The following UBXN1 variants were observed in gnomAD, a reference collection of about 807,000 sequenced individuals.
UBXN1 encodes UBX domain-containing protein 1.
UBXN1 carries 21 observed loss-of-function variants against 42.0 expected under a neutral mutation model. The observed-to-expected ratio is 0.50, with a 90% CI of 0.35 to 0.72. UBXN1 has a LOEUF of 0.72. UBXN1 is among the 30% of genes least tolerant of loss of function. The probability of loss-of-function intolerance (pLI) is 0.00; values close to 1 mark genes in which losing one functional copy is unlikely to be tolerated. For synonymous variants in UBXN1, 172 were observed against 142.6 expected, an observed-to-expected ratio of 1.21 and a Z score of -1.47; for missense variants, 374 against 382.2, an observed-to-expected ratio of 0.98 and a Z score of 0.18.
intron 7 of UBXN1, 36 bp downstream of exon 7, chr11:62,677,482 G>A (rs1945039150): frequency 6.2e-7 from 1 of 1,606,178 alleles, no homozygotes; most frequent in Non-Finnish European, 8.5e-7. Flanking sequence ...CGGAACAAAG[G>A]GGTCCCAAGA....
chr11:62,677,744 C>CCA (rs766253091), intron 6 of UBXN1, 37 bp downstream of exon 6: 67 of 1,613,962 alleles, frequency 4.2e-5, no homozygotes, highest in Non-Finnish European at 5.6e-5. Flanking sequence ...ACTAACCTGC[C>CCA]CACTCCATTA....
Position 62,676,565 on chromosome 11 carries a change from C to T in UBXN1, c.*25G>A. On this transcript the variant is annotated 3_prime_UTR_variant, in exon 9 of 9. Transcript: ENST00000301935. ...TGCTTTATCAAAGATGAAGGGGTCA[C>T]AGAGGGACAATGGGACAAAGGCCCT... is the stretch of plus-strand genomic sequence containing the variant. The T allele has an allele frequency of 1.3e-6, 2 of 1,575,248 alleles. No homozygotes were observed. The highest frequency in any genetic ancestry group is 1.7e-6 in the Non-Finnish European group (2 of 1,163,768).
Position 62,678,957 on chromosome 11 carries a change from T to C in UBXN1, c.-34A>G. 1 of 1,555,304 alleles carries C rather than the reference T, an allele frequency of 6.4e-7. No homozygotes were observed. Among genetic ancestry groups the C allele is most frequent in the Non-Finnish European group, 8.7e-7 (1 of 1,153,906 alleles). On this transcript the variant is annotated 5_prime_UTR_variant, in exon 1 of 9. Coordinates refer to ENST00000301935, the MANE Select transcript of UBXN1 (RefSeq NM_001286077.2). ...CACCGCGGCTTCCGCGGGGACCTGGTGTGTGACGAGAAGGAGGGCGGGAAG... is the reference window on the plus strand; with the variant it reads ...CACCGCGGCTTCCGCGGGGACCTGGCGTGTGACGAGAAGGAGGGCGGGAAG...
chr11:62,676,529 G>T lies in UBXN1; in HGVS notation c.*61C>A, dbSNP rs763280846. ...GAACTCAGGGTCTATTTATTAGGAA[G>T]GAGATGTCAGTGCTTTATCAAAGAT... On this transcript the variant is annotated 3_prime_UTR_variant, in exon 9 of 9. Coordinates refer to ENST00000301935, the MANE Select transcript of UBXN1 (RefSeq NM_001286077.2). The T allele has an allele frequency of 6.6e-7, 1 of 1,526,610 alleles. No individual in the cohort carries two copies. Among genetic ancestry groups the T allele is most frequent in the Admixed American group, 2.0e-5 (1 of 51,096 alleles). 94.6% of individuals were successfully genotyped at this position (1,526,610 alleles called of 1,614,324 possible).
In UBXN1 at chr11:62,678,871, C is replaced by T. The variant is rs763243172; in HGVS notation, c.53G>A (p.Gly18Glu). The change falls in exon 1 of 9, where the codon GGA (glycine) becomes GAA (glutamate). Residue 18 changes from glycine (G) to glutamate (E), a missense_variant. Transcript: ENST00000301935. ...ESLIEMGFPRGRAEKALALTG... is the reference protein window; with the variant it reads ...ESLIEMGFPRERAEKALALTG... The stretch of plus-strand genomic sequence containing the variant: ...GGTTGGGGAACTCCCTTACGCGCGT[C>T]CCCTGGGGAAGCCCATCTCGATGAG... 5 of 1,604,974 alleles carry T rather than the reference C, an allele frequency of 3.1e-6. No individual in the cohort carries two copies. The highest frequency in any genetic ancestry group is 3.6e-4 in the Middle Eastern group (2 of 5,536).
Position 62,677,569 on chromosome 11 carries a change from A to AG in UBXN1, c.599dup (p.Pro201SerfsTer12). 6.2e-7 allele frequency: 1 copy of AG among 1,614,088 alleles called. No homozygotes were observed. The highest frequency in any genetic ancestry group is 8.5e-7 in the Non-Finnish European group (1 of 1,179,974). ...GCTTGGTGGGAGGCTCCTGGCTGGG[A>AG]GAAGAGGGAACAGGACCTGGCTCTG... is the stretch of plus-strand genomic sequence containing the variant. On this transcript the variant is annotated frameshift_variant, in exon 7 of 9. Coordinates refer to ENST00000301935, the MANE Select transcript of UBXN1 (RefSeq NM_001286077.2). LOFTEE classifies it high-confidence loss of function.
intron 4 of UBXN1, 66 bp downstream of exon 4, chr11:62,678,273 G>C (rs766902589): frequency 6.2e-7 from 1 of 1,610,762 alleles, no homozygotes; most frequent in Non-Finnish European, 8.5e-7. Context: ...AAGGTTCTTT[G>C]ACCAGACGTG....
Position 62,678,924 on chromosome 11 carries a change from G to A in UBXN1, c.-1C>T, listed in dbSNP as rs746964877. On this transcript the variant is annotated 5_prime_UTR_variant, in exon 1 of 9. Coordinates refer to ENST00000301935, the MANE Select transcript of UBXN1 (RefSeq NM_001286077.2). ...TCTCAAGAGCCGTCAGCTCCGCCAT[G>A]GCGCCGACACCGCGGCTTCCGCGGG... 1.3e-6 allele frequency: 2 copies of A among 1,586,450 alleles called. No homozygotes were observed. Among genetic ancestry groups the A allele is most frequent in the Admixed American group, 3.5e-5 (2 of 56,734 alleles).
Position 62,677,971 on chromosome 11 carries a change from A to T in UBXN1, c.438T>A (p.Ala146=). 1 of 1,614,106 alleles carries T rather than the reference A, an allele frequency of 6.2e-7. No individual in the cohort carries two copies. The highest frequency in any genetic ancestry group is 8.5e-7 in the Non-Finnish European group (1 of 1,180,018). Residue 146 remains alanine, a synonymous_variant, in exon 5 of 9, where the codon GCT becomes GCA. Coordinates refer to ENST00000301935, the MANE Select transcript of UBXN1 (RefSeq NM_001286077.2). ...QRLQEDEMRR[A]AEERRREKAE... is the part of the protein sequence containing the mutation. ...CCTTTTCCCTCCGCCTCTCCTCAGC[A>T]GCCCGGCGCATCTCATCTTCCTGTA...
intron 7 of UBXN1, 111 bp from the exon 8 acceptor site, chr11:62,677,116 AACT>A (rs891642056): frequency 4.0e-6 from 5 of 1,259,234 alleles, no homozygotes; most frequent in Non-Finnish European, 5.4e-6. Flanking sequence ...GAACCAGCAC[AACT>A]ACTATTTAAA....
Position 62,676,907 on chromosome 11 carries a change from T to C in UBXN1, c.750A>G (p.Glu250=). 1 of 1,613,888 alleles carries C rather than the reference T, an allele frequency of 6.2e-7. No homozygotes were observed. Among genetic ancestry groups the C allele is most frequent in the Middle Eastern group, 1.6e-4 (1 of 6,062 alleles). ...GCACAGGGTCCTGGCCCCCACCTAG[T>C]TCCTCCCCACGGTGGAGCTCCACAT... ...RLYVELHRGE[E]LGGGQDPVQL... The change falls in exon 8 of 9, where the codon GAA becomes GAG. Residue 250 remains glutamate, a synonymous_variant. Coordinates refer to ENST00000301935, the MANE Select transcript of UBXN1 (RefSeq NM_001286077.2).
intron 8 of UBXN1, 76 bp from the exon 9 acceptor site, chr11:62,676,715 T>C: frequency 3.7e-6 from 6 of 1,614,068 alleles, no homozygotes; most frequent in Non-Finnish European, 5.1e-6. Context: ...CCTTGCACCA[T>C]GTTCACAAAG....
At chr11:62,677,276 CA>C in intron 7 of UBXN1, 1 of 610,896 alleles carries the variant, frequency 1.6e-6, no homozygotes, top group Non-Finnish European at 2.9e-6. Context: ...CATAATAAAC[CA>C]AATAAAAACA....
At position 62,676,804 on chromosome 11, in the gene UBXN1, C is replaced by G; in HGVS notation, c.844+9G>C. Reference sequence around the variant, plus strand: ...TTTCTAGTCCTGGTTTCTAGTCTTGCAGCCATACCCAGCTCCTGCAGAGGC... The same window carrying G: ...TTTCTAGTCCTGGTTTCTAGTCTTGGAGCCATACCCAGCTCCTGCAGAGGC... On this transcript the variant is annotated intron_variant, in intron 8 of 8. Coordinates refer to ENST00000301935, the MANE Select transcript of UBXN1 (RefSeq NM_001286077.2). 1 of 1,614,172 alleles carries G rather than the reference C, an allele frequency of 6.2e-7. No individual in the cohort carries two copies. Among genetic ancestry groups the G allele is most frequent in the East Asian group, 2.2e-5 (1 of 44,888 alleles).
chr11:62,677,015 A>AGT lies in UBXN1; in HGVS notation c.652-11_652-10insAC. Reference sequence around the variant, plus strand: ...CATCTGGCAGCCTGACCTAAAGGGCAAGGGAGATACTCAGTATTGTGGGCA... The same window carrying AGT: ...CATCTGGCAGCCTGACCTAAAGGGCAGTAGGGAGATACTCAGTATTGTGGGCA... On this transcript the variant is annotated splice_polypyrimidine_tract_variant and intron_variant, in intron 7 of 8. Coordinates refer to ENST00000301935, the MANE Select transcript of UBXN1 (RefSeq NM_001286077.2). 6.2e-7 allele frequency: 1 copy of AGT among 1,605,440 alleles called. No individual in the cohort carries two copies. The highest frequency in any genetic ancestry group is 1.1e-5 in the South Asian group (1 of 91,056).
Position 62,678,813 on chromosome 11 carries a change from A to G in UBXN1, c.59+52T>C, listed in dbSNP as rs1000431842. Reference sequence around the variant, plus strand: ...CGGTCAGGCTGGGGCAAAGGCCGAGACAGGTCCGCGACCCCCCACACCCGC... The same window carrying G: ...CGGTCAGGCTGGGGCAAAGGCCGAGGCAGGTCCGCGACCCCCCACACCCGC... On this transcript the variant is annotated intron_variant, in intron 1 of 8. Coordinates refer to ENST00000301935, the MANE Select transcript of UBXN1 (RefSeq NM_001286077.2). The G allele has an allele frequency of 5.6e-6, 9 of 1,610,396 alleles. No individual in the cohort carries two copies. The African/African-American group carries it at 1.2e-4, about 22-fold the overall frequency.
chr11:62,678,301 A>G (rs1380885396), intron 4 of UBXN1, 38 bp downstream of exon 4: 3 of 1,613,778 alleles, frequency 1.9e-6, no homozygotes, highest in Non-Finnish European at 2.5e-6. Flanking sequence ...GAGAGATGGA[A>G]GACGACCCTC....
intron 7 of UBXN1, 139 bp from the exon 8 acceptor site, chr11:62,677,144 GC>G: frequency 1.0e-6 from 1 of 956,034 alleles, no homozygotes; most frequent in Non-Finnish European, 1.5e-6. Context: ...CAAATGAACA[GC>G]CACTTAGGCT....
chr11:62,677,093 T>G (rs1004358650), intron 7 of UBXN1, 88 bp from the exon 8 acceptor site: 18 of 1,432,544 alleles, frequency 1.3e-5, no homozygotes, highest in Non-Finnish European at 1.7e-5. Context: ...CTGGGCCCCC[T>G]TCTTCTTAGA....
Sources: gnomAD v4.1 joint callset for allele counts on GRCh38, gnomAD v4.1.1 for gene constraint, MANE v1.5 for transcripts, NCBI Gene and HGNC (gene_info 2026-07-23, HGNC 2026-07-21) for gene names.